LITAF: variants seen among roughly 807,000 people sequenced by gnomAD.
The protein encoded by LITAF is lipopolysaccharide-induced tumor necrosis factor-alpha factor.
LITAF carries 9 observed loss-of-function variants against 14.5 expected under a neutral mutation model. The observed-to-expected ratio is 0.62, with a 90% CI of 0.37 to 1.08. The LOEUF (loss-of-function observed/expected upper bound fraction) is 1.08, where lower values mean the gene tolerates loss of function less well. Among genes scored for constraint, LITAF ranks in the 50% least tolerant of loss-of-function variants. The pLI is 0.01. For synonymous variants in LITAF, 98 were observed against 88.2 expected (o/e 1.11, Z -0.62); for missense variants, 206 against 213.4 (o/e 0.97, Z 0.22).
rs1206941045 is a variant in LITAF, at chr16:11,558,609, G to A, written c.-5-1874C>T. Among the ~76,000 whole-genome samples, 11 of 152,274 alleles carry A rather than the reference G, an allele frequency of 7.2e-5. No individual in the cohort carries two copies. In the East Asian group the frequency reaches 2.1e-3, roughly 29 times the overall value. ...TGTAATCCCAGCTACTTAGGAGGCTGAGGCAGGAGGATTGCTTAATCCTAG... is the reference window on the plus strand; with the variant it reads ...TGTAATCCCAGCTACTTAGGAGGCTAAGGCAGGAGGATTGCTTAATCCTAG... On this transcript the variant is annotated intron_variant, in intron 1 of 3. Coordinates refer to ENST00000622633, the MANE Select transcript of LITAF (RefSeq NM_001136472.2). This position sits in a 1 kb window ranked among gnomAD's most constrained non-coding sequence, Gnocchi z 4.1.
intron 3 of LITAF, among the ~76,000 whole-genome samples, chr16:11,633,340 C>A (rs1465486249): frequency 6.6e-6 from 1 of 152,168 alleles, no homozygotes; most frequent in Non-Finnish European, 1.5e-5. Context: ...ATAGTAGTGT[C>A]AGAGGGGTTT....
intron 3 of LITAF, among the ~76,000 whole-genome samples, chr16:11,552,756 A>G (rs2064200529): frequency 6.6e-6 from 1 of 152,130 alleles, no homozygotes; most frequent in Non-Finnish European, 1.5e-5. Context: ...TCCTAGCATT[A>G]AGCGGGTGGG....
chr16:11,636,772 T>C (rs1368631013), upstream of LITAF, among the ~76,000 whole-genome samples: 2 of 152,228 alleles, frequency 1.3e-5, no homozygotes, highest in Non-Finnish European at 2.9e-5. Flanking sequence ...TCCAGGCTGC[T>C]CTTTGTCAGA....
At chr16:11,589,025 A>G (rs1053529802), upstream of LITAF, among the ~76,000 whole-genome samples, 1 of 152,170 alleles carries the variant, frequency 6.6e-6, no homozygotes, top group African/African-American at 2.4e-5. Flanking sequence ...AACAGGAGCC[A>G]GCTTTGTGTT....
chr16:11,608,988 A>AC (rs386384245), intron 3 of LITAF, among the ~76,000 whole-genome samples: 1 of 151,256 alleles, frequency 6.6e-6, no homozygotes, highest in Non-Finnish European at 1.5e-5. Context: ...AACAAAAAAA[A>AC]ACGCACCGAG....
At chr16:11,617,924 G>T (rs1163978306) in intron 3 of LITAF, among the ~76,000 whole-genome samples, 5 of 151,862 alleles carry the variant, frequency 3.3e-5, no homozygotes, top group Non-Finnish European at 7.4e-5. Context: ...AGGCTGGAAT[G>T]TAGCAGCTCG....
intron 1 of LITAF, among the ~76,000 whole-genome samples, chr16:11,565,199 C>T (rs1166647395): frequency 2.0e-5 from 3 of 151,652 alleles, no homozygotes; most frequent in African/African-American, 4.8e-5. Flanking sequence ...TCTCCTGCCT[C>T]AGCCTCCCTA....
upstream of LITAF, chr16:11,587,213 G>T (rs2064818003): frequency 5.6e-6 from 2 of 356,526 alleles, no homozygotes; most frequent in Non-Finnish European, 5.5e-6. Flanking sequence ...CCTGCCTCTC[G>T]GTGCCAGCCC....
At chr16:11,591,025 G>T (rs2064843106), upstream of LITAF, among the ~76,000 whole-genome samples, 1 of 117,714 alleles carries the variant, frequency 8.5e-6, no homozygotes, top group Non-Finnish European at 1.7e-5. Context: ...GAGCCACCGT[G>T]CCCGGCCCAG....
chr16:11,567,618 C>T (rs2064473846), intron 1 of LITAF, among the ~76,000 whole-genome samples: 3 of 152,162 alleles, frequency 2.0e-5, no homozygotes, highest in Admixed American at 2.0e-4. Flanking sequence ...AAAATCATCA[C>T]TCAGCGGAGG....
intron 1 of LITAF, among the ~76,000 whole-genome samples, chr16:11,574,453 C>A (rs1363016429): frequency 3.3e-5 from 5 of 152,186 alleles, no homozygotes; most frequent in Non-Finnish European, 1.5e-5. Flanking sequence ...TGGGGTGTGA[C>A]AAACACTGGT....
intron 2 of LITAF, among the ~76,000 whole-genome samples, chr16:11,555,466 G>A (rs984056234): frequency 6.6e-6 from 1 of 152,082 alleles, no homozygotes; most frequent in Non-Finnish European, 1.5e-5. Flanking sequence ...TTAAAGATCA[G>A]CCTGGAAAAA....
chr16:11,548,115 G>C lies in LITAF; in HGVS notation c.*1522C>G, dbSNP rs1216788655. On this transcript the variant is annotated 3_prime_UTR_variant, in exon 4 of 4. Coordinates refer to ENST00000622633, the MANE Select transcript of LITAF (RefSeq NM_001136472.2). ...GGAATTTTCCAAACATCAAATGAAG[G>C]GGGATCAATGGTTACCACTATCGTT... The C allele has an allele frequency of 2.2e-6, 1 of 453,926 alleles. No homozygotes were observed. Among genetic ancestry groups the C allele is most frequent in the East Asian group, 6.9e-5 (1 of 14,406 alleles). The allele number at this position is 453,926 out of a possible 1,614,324, so 28.1% of individuals were successfully genotyped here.
In LITAF at chr16:11,632,443, G is replaced by A. The variant is rs1053782448; in HGVS notation, c.85+1090C>T. On this transcript the variant is annotated intron_variant, in intron 3 of 3. Coordinates refer to the LITAF transcript ENST00000574848. The surrounding 1 kb of genome is among the most constrained non-coding windows in gnomAD (Gnocchi z 4.8). The stretch of plus-strand genomic sequence containing the variant: ...AGAGGGCTACTATGCTCCACTGTCT[G>A]CTGGAAACCCTGTTGACAAAGGAGG... Among the ~76,000 whole-genome samples the A allele has an allele frequency of 2.0e-5, 3 of 151,930 alleles. No individual in the cohort carries two copies. Among genetic ancestry groups the A allele is most frequent in the Non-Finnish European group, 4.4e-5 (3 of 67,990 alleles).
At chr16:11,601,348 C>T (rs566301140), upstream of LITAF, among the ~76,000 whole-genome samples, 73 of 151,454 alleles carry the variant, frequency 4.8e-4, no homozygotes, top group Non-Finnish European at 2.9e-4. Flanking sequence ...CATGGGGCTA[C>T]CACAATTAGA....
chr16:11,621,766 C>A (rs566439208), intron 3 of LITAF, among the ~76,000 whole-genome samples: 1 of 152,122 alleles, frequency 6.6e-6, no homozygotes, highest in Non-Finnish European at 1.5e-5. Flanking sequence ...CCTGCCCCGA[C>A]TCTCTTCCCA....
intron 3 of LITAF, among the ~76,000 whole-genome samples, chr16:11,618,756 G>A (rs1162164833): frequency 6.6e-6 from 1 of 151,846 alleles, no homozygotes; most frequent in Non-Finnish European, 1.5e-5. Flanking sequence ...AGACCGAGGC[G>A]GGCGGATCAC....
intron 3 of LITAF, among the ~76,000 whole-genome samples, chr16:11,616,330 AG>A (rs1301454981): frequency 1.3e-5 from 2 of 151,960 alleles, no homozygotes; most frequent in Non-Finnish European, 2.9e-5. Flanking sequence ...TTATTAAATT[AG>A]CCAGGCATGG....
chr16:11,624,741 C>T (rs1458543917), intron 3 of LITAF, among the ~76,000 whole-genome samples: 1 of 152,158 alleles, frequency 6.6e-6, no homozygotes, highest in East Asian at 1.9e-4. Flanking sequence ...AAATGAAAAA[C>T]ATGGTCGCAG....
Sources: gnomAD v4.1 joint callset for allele counts (sites outside exome capture counted in the v4.1 genomes callset) on GRCh38, gnomAD v4.1.1 for gene constraint, Gnocchi (gnomAD v3.1) non-coding constraint, MANE v1.5 for transcripts, NCBI Gene and HGNC (gene_info 2026-07-23, HGNC 2026-07-21) for gene names.